Variants in CNTN3 observed in about 807,000 individuals in gnomAD.
The protein encoded by CNTN3 is contactin-3.
Under a neutral mutation model 119.1 loss-of-function variants are expected in CNTN3, and 60 were observed. The ratio of observed to expected loss-of-function variants is 0.50; its 90% confidence interval spans 0.41 to 0.62. The LOEUF is 0.62. Ranked by LOEUF, CNTN3 falls within the 20% of genes least tolerant of loss-of-function variation. CNTN3 has a pLI of 0.00. For synonymous variants in CNTN3, 450 were observed against 438.7 expected (o/e 1.03, Z -0.32); for missense variants, 1,101 against 1,242.4 (o/e 0.89, Z 1.71).
At chr3:74,379,443 G>A (rs1169022366) in intron 5 of CNTN3, among the ~76,000 whole-genome samples, 7 of 152,124 alleles carry the variant, frequency 4.6e-5, no homozygotes, top group African/African-American at 7.2e-5. Context: ...CCAGGGAAGC[G>A]TCTTTCCTAA....
chr3:74,348,393 T>C (rs1180440783), intron 11 of CNTN3, among the ~76,000 whole-genome samples: 1 of 152,198 alleles, frequency 6.6e-6, no homozygotes, highest in Non-Finnish European at 1.5e-5. Context: ...CCTTTGAATT[T>C]GGATAGCTTG....
At chr3:74,531,000 G>C (rs1703685866) in intron 1 of CNTN3, among the ~76,000 whole-genome samples, 1 of 151,924 alleles carries the variant, frequency 6.6e-6, no homozygotes, top group African/African-American at 2.4e-5. Flanking sequence ...TGAACTTGCT[G>C]GTCTCCTTTC....
At chr3:74,491,361 G>A (rs1702960487) in intron 3 of CNTN3, among the ~76,000 whole-genome samples, 1 of 151,802 alleles carries the variant, frequency 6.6e-6, no homozygotes, top group Non-Finnish European at 1.5e-5. Flanking sequence ...AAATTAGCCA[G>A]GTGTGATGGC....
At chr3:74,508,481 G>A (rs1206784157) in intron 2 of CNTN3, among the ~76,000 whole-genome samples, 1 of 152,060 alleles carries the variant, frequency 6.6e-6, no homozygotes, top group Non-Finnish European at 1.5e-5. Context: ...GCTTACATTT[G>A]TTAAACTTAT....
At chr3:74,513,974 T>C (rs1703411109) in intron 2 of CNTN3, among the ~76,000 whole-genome samples, 1 of 152,052 alleles carries the variant, frequency 6.6e-6, no homozygotes, top group African/African-American at 2.4e-5. Flanking sequence ...GACTTTTTTT[T>C]TTTTGGTCAA....
chr3:74,491,588 T>C (rs1004192089), intron 3 of CNTN3, among the ~76,000 whole-genome samples: 2 of 152,134 alleles, frequency 1.3e-5, no homozygotes, highest in African/African-American at 2.4e-5. Context: ...ATGTGTCCAA[T>C]AAATCTTCAA....
intron 5 of CNTN3, among the ~76,000 whole-genome samples, chr3:74,401,504 ACACG>A (rs1559583277): frequency 1.1e-4 from 17 of 150,454 alleles, no homozygotes; most frequent in South Asian, 2.1e-4. Flanking sequence ...CACACACCAC[ACACG>A]CGCGCACGCA....
intron 14 of CNTN3, 45 bp from the exon 15 acceptor site, chr3:74,301,850 T>A: frequency 1.3e-6 from 2 of 1,588,600 alleles, no homozygotes; most frequent in Non-Finnish European, 1.7e-6. Flanking sequence ...GTTCCATAAA[T>A]GTCATCCTCT....
chr3:74,468,232 T>A (rs1702498863), intron 4 of CNTN3, among the ~76,000 whole-genome samples: 1 of 152,208 alleles, frequency 6.6e-6, no homozygotes, highest in African/African-American at 2.4e-5. Flanking sequence ...ATGTTTTGTA[T>A]TCAAAAACAA....
chr3:74,514,929 T>C (rs1239814337), intron 2 of CNTN3, among the ~76,000 whole-genome samples: 1 of 152,086 alleles, frequency 6.6e-6, no homozygotes, highest in Non-Finnish European at 1.5e-5. Flanking sequence ...AGTTCTCAAA[T>C]TAAAATATGC....
rs189888195 is a variant in CNTN3, at chr3:74,599,820, A to G, written c.-81+14571T>C. Among the ~76,000 whole-genome samples, 12 of 152,106 alleles carry G rather than the reference A, an allele frequency of 7.9e-5. No homozygotes were observed. In the East Asian group the frequency reaches 2.3e-3, roughly 30 times the overall value. Reference sequence around the variant, plus strand: ...CACCCTCTCCCAGAGGTGAGTAATGACTCCCAATGATTTCTCAATAGCAAT... The same window carrying G: ...CACCCTCTCCCAGAGGTGAGTAATGGCTCCCAATGATTTCTCAATAGCAAT... On this transcript the variant is annotated intron_variant, in intron 1 of 22. Transcript: ENST00000263665.
At chr3:74,382,620 T>C (rs1704649560) in intron 5 of CNTN3, among the ~76,000 whole-genome samples, 1 of 152,212 alleles carries the variant, frequency 6.6e-6, no homozygotes, top group Admixed American at 6.5e-5. Flanking sequence ...CATGTGATAT[T>C]TGTCTTTCTG....
intron 3 of CNTN3, among the ~76,000 whole-genome samples, chr3:74,488,187 A>T (rs909311087): frequency 2.0e-5 from 3 of 151,762 alleles, no homozygotes; most frequent in African/African-American, 4.8e-5. Context: ...ATCTCAGCTC[A>T]CGGCAAGCTC....
At chr3:74,595,153 T>C (rs1241845225) in intron 1 of CNTN3, among the ~76,000 whole-genome samples, 3 of 151,908 alleles carry the variant, frequency 2.0e-5, no homozygotes, top group Non-Finnish European at 4.4e-5. Context: ...TGTTTTTTTC[T>C]TGTAAATTGG....
At chr3:74,463,605 G>C (rs1282563692) in intron 4 of CNTN3, among the ~76,000 whole-genome samples, 4 of 152,088 alleles carry the variant, frequency 2.6e-5, no homozygotes. Flanking sequence ...CTCACAGCAG[G>C]GACAAGACTA....
At chr3:74,570,494 C>T (rs994505807) in intron 1 of CNTN3, among the ~76,000 whole-genome samples, 15 of 87,886 alleles carry the variant, frequency 1.7e-4, no homozygotes, top group African/African-American at 5.6e-4. Context: ...ACATTAAATG[C>T]GGGAAAAAAA....
At chr3:74,459,645 G>A (rs545205188) in intron 4 of CNTN3, among the ~76,000 whole-genome samples, 1 of 152,002 alleles carries the variant, frequency 6.6e-6, no homozygotes, top group South Asian at 2.1e-4. Context: ...TGTGCCCTCT[G>A]CTGAAACTCT....
intron 5 of CNTN3, among the ~76,000 whole-genome samples, chr3:74,390,688 T>C (rs1272292004): frequency 6.6e-6 from 1 of 152,154 alleles, no homozygotes; most frequent in Non-Finnish European, 1.5e-5. Context: ...CCTTTCCTAG[T>C]TGACAGTATC....
At chr3:74,451,133 G>A (rs1370668273) in intron 4 of CNTN3, among the ~76,000 whole-genome samples, 2 of 152,058 alleles carry the variant, frequency 1.3e-5, no homozygotes, top group Non-Finnish European at 2.9e-5. Flanking sequence ...CCCACCAACA[G>A]TGTCAAAGTG....
Sources: gnomAD v4.1 joint callset for allele counts (sites outside exome capture counted in the v4.1 genomes callset) on GRCh38, gnomAD v4.1.1 for gene constraint, MANE v1.5 for transcripts, NCBI Gene and HGNC (gene_info 2026-07-23, HGNC 2026-07-21) for gene names.